Variants in CENPK observed in about 807,000 individuals in gnomAD.
CENPK encodes SoxLZ/Sox6-binding protein Solt.
CENPK carries 46 observed loss-of-function variants against 40.9 expected under a neutral mutation model. The observed-to-expected ratio is 1.13, with a 90% CI of 0.89 to 1.44. The LOEUF (loss-of-function observed/expected upper bound fraction) is 1.44. Among genes scored for constraint, CENPK ranks in the 40% most tolerant of loss-of-function variants. The probability of loss-of-function intolerance (pLI) is 0.00; values close to 1 mark genes in which losing one functional copy is unlikely to be tolerated. For missense variants in CENPK, 288 were observed against 303.5 expected, an observed-to-expected ratio of 0.95 and a Z score of 0.38; for synonymous variants, 107 against 104.4, an observed-to-expected ratio of 1.02 and a Z score of -0.15.
chr5:65,521,371 C>CT (rs1743709542), intron 10 of CENPK, 104 bp downstream of exon 10: 1 of 732,990 alleles, frequency 1.4e-6, no homozygotes, highest in Non-Finnish European at 2.3e-6. Flanking sequence ...TTGATGCATA[C>CT]TTTAAGAATT....
chr5:65,556,836 G>A (rs571527794), intron 2 of CENPK, among the ~76,000 whole-genome samples: 7 of 152,144 alleles, frequency 4.6e-5, no homozygotes, highest in East Asian at 1.9e-4. Context: ...TTACTGTACC[G>A]TTTCTATGTT....
chr5:65,563,158 C>T lies in CENPK; in HGVS notation c.-202G>A, dbSNP rs1752347563. ...CTGCGCAGGAAGCGCTTGCCAGCCCCGGACTTCTGCGCGCGCTGCATGCCC... is the reference window on the plus strand; with the variant it reads ...CTGCGCAGGAAGCGCTTGCCAGCCCTGGACTTCTGCGCGCGCTGCATGCCC... On this transcript the variant is annotated 5_prime_UTR_variant, in exon 1 of 11. Transcript: ENST00000396679. 2.0e-6 allele frequency: 2 copies of T among 1,013,714 alleles called. No individual in the cohort carries two copies. The highest frequency in any genetic ancestry group is 1.6e-5 in the African/African-American group (1 of 62,002). 62.8% of individuals were successfully genotyped at this position (1,013,714 alleles called of 1,614,324 possible).
intron 2 of CENPK, among the ~76,000 whole-genome samples, chr5:65,555,731 T>G (rs1393581595): frequency 2.0e-5 from 3 of 152,212 alleles, no homozygotes; most frequent in African/African-American, 7.2e-5. Context: ...AGCATGTATA[T>G]GGACTGTCAG....
chr5:65,505,503 T>C, the CENPK span, among the ~76,000 whole-genome samples: 1 of 152,186 alleles, frequency 6.6e-6, no homozygotes, highest in Non-Finnish European at 1.5e-5. Context: ...TAGCTGGGCA[T>C]GGTGGTGCAT....
intron 5 of CENPK, among the ~76,000 whole-genome samples, chr5:65,544,587 T>C (rs1031502843): frequency 1.3e-5 from 2 of 152,206 alleles, no homozygotes; most frequent in African/African-American, 2.4e-5. Flanking sequence ...TCCATGTTCA[T>C]GGCAGCACTC....
the CENPK span, among the ~76,000 whole-genome samples, chr5:65,504,344 T>C: frequency 6.6e-6 from 1 of 150,576 alleles, no homozygotes; most frequent in East Asian, 2.0e-4. Flanking sequence ...TAATCCCAGA[T>C]ACTCCGGAGG....
At chr5:65,499,171 C>G in the CENPK span, among the ~76,000 whole-genome samples, 10 of 150,308 alleles carry the variant, frequency 6.7e-5, no homozygotes, top group South Asian at 1.9e-3. Context: ...CCACTGCACC[C>G]AGCCAGGAAC....
intron 9 of CENPK, among the ~76,000 whole-genome samples, chr5:65,525,832 A>C (rs1392978284): frequency 6.6e-6 from 1 of 151,738 alleles, no homozygotes; most frequent in Non-Finnish European, 1.5e-5. Flanking sequence ...ACAGTGAGCA[A>C]GTGGTCACCT....
At chr5:65,530,322 A>T (rs1469764577) in intron 6 of CENPK, among the ~76,000 whole-genome samples, 1 of 152,232 alleles carries the variant, frequency 6.6e-6, no homozygotes, top group African/African-American at 2.4e-5. Context: ...AAATCAAAAT[A>T]AAAGTAAAGG....
chr5:65,554,473 T>C (rs1188320964), intron 3 of CENPK, among the ~76,000 whole-genome samples: 1 of 152,174 alleles, frequency 6.6e-6, no homozygotes. Flanking sequence ...CCTTGACCCC[T>C]TCACCGGGTT....
intron 6 of CENPK, among the ~76,000 whole-genome samples, chr5:65,530,872 T>C (rs528083311): frequency 3.9e-5 from 6 of 152,182 alleles, no homozygotes; most frequent in African/African-American, 1.4e-4. Flanking sequence ...ATCATACCAC[T>C]GCATGCCAGC....
rs543550588 is a variant in CENPK at position 65,559,578 on chromosome 5, G to A, written c.-40+1885C>T. Among the ~76,000 whole-genome samples, 18 of 147,238 alleles carry A rather than the reference G, an allele frequency of 1.2e-4. No homozygotes were observed. The South Asian group carries it at 3.6e-3, about 30-fold the overall frequency. ...CGGGAGGCGGAGCTTGCAGTGAGCC[G>A]AGATCCCGCCACTGCACTCCAGCCT... On this transcript the variant is annotated intron_variant, in intron 2 of 10. Coordinates refer to ENST00000396679, the MANE Select transcript of CENPK (RefSeq NM_022145.5).
chr5:65,505,098 T>C, the CENPK span, among the ~76,000 whole-genome samples: 2 of 152,132 alleles, frequency 1.3e-5, no homozygotes, highest in Non-Finnish European at 2.9e-5. Context: ...CAGCTAATTT[T>C]TTTTTTAATT....
intron 2 of CENPK, among the ~76,000 whole-genome samples, chr5:65,555,811 C>T (rs1482443791): frequency 6.6e-6 from 1 of 152,154 alleles, no homozygotes; most frequent in Non-Finnish European, 1.5e-5. Flanking sequence ...ATTTGGCAAA[C>T]ATGGGAGAAG....
rs555802003 is a variant in CENPK at position 65,554,179 on chromosome 5, G to C, written c.111+618C>G. On this transcript the variant is annotated intron_variant, in intron 3 of 10. Transcript: ENST00000396679. ...TTTTGAGACGGAGTCTCACTCTGCT[G>C]TCACCAGGCTGGAGTGCAGTGGCAC... Among the ~76,000 whole-genome samples, 3 of 147,596 alleles carry C rather than the reference G, an allele frequency of 2.0e-5. No homozygotes were observed. In the East Asian group the frequency reaches 5.9e-4, roughly 29 times the overall value.
intron 8 of CENPK, 110 bp downstream of exon 8, chr5:65,528,805 AAGTT>A (rs1388863261): frequency 2.0e-5 from 18 of 894,656 alleles, no homozygotes; most frequent in Middle Eastern, 3.5e-4. Flanking sequence ...TAGTTAACAA[AAGTT>A]AGGGCAAGAC....
chr5:65,558,793 G>A (rs1419288469), intron 2 of CENPK, among the ~76,000 whole-genome samples: 1 of 152,174 alleles, frequency 6.6e-6, no homozygotes, highest in Non-Finnish European at 1.5e-5. Context: ...AGACAAGAGA[G>A]AACATAATCA....
rs186350211 is a variant in CENPK, at chr5:65,539,185, C to T, written c.288+3617G>A. On this transcript the variant is annotated intron_variant, in intron 6 of 10. Coordinates refer to ENST00000396679, the MANE Select transcript of CENPK (RefSeq NM_022145.5). ...TGTCTGGACATTCATATTTAAAACTCGAAAATTCAGGTCTTCCTCACATGC... is the reference window on the plus strand; with the variant it reads ...TGTCTGGACATTCATATTTAAAACTTGAAAATTCAGGTCTTCCTCACATGC... Among the ~76,000 whole-genome samples, 4 of 152,258 alleles carry T rather than the reference C, an allele frequency of 2.6e-5. No individual in the cohort carries two copies. In the East Asian group the frequency reaches 5.8e-4, roughly 22 times the overall value.
chr5:65,518,652 CA>C lies in CENPK; in HGVS notation c.652-20del, dbSNP rs1189575954. On this transcript the variant is annotated intron_variant, in intron 10 of 10. Coordinates refer to ENST00000396679, the MANE Select transcript of CENPK (RefSeq NM_022145.5). ...TAAGAATCTAGGAGAAAATATCATT[CA>C]AAATATACTTTACTTGGGAAAAAGT... The C allele has an allele frequency of 5.0e-5, 75 of 1,499,698 alleles. No homozygotes were observed. Among genetic ancestry groups the C allele is most frequent in the Non-Finnish European group, 6.1e-5 (67 of 1,093,878 alleles). The allele number at this position is 1,499,698 out of a possible 1,614,324, so 92.9% of individuals were successfully genotyped here.
Sources: gnomAD v4.1 joint callset for allele counts (sites outside exome capture counted in the v4.1 genomes callset) on GRCh38, gnomAD v4.1.1 for gene constraint, MANE v1.5 for transcripts, NCBI Gene and HGNC (gene_info 2026-07-23, HGNC 2026-07-21) for gene names.